SLIT3: variants seen among roughly 807,000 people sequenced by gnomAD.
SLIT3 encodes the protein slit guidance ligand 3.
A neutral mutation model predicts 184.0 loss-of-function variants in SLIT3; 68 were observed. That is an observed-to-expected ratio of 0.37 (90% CI 0.30 to 0.45). The LOEUF (loss-of-function observed/expected upper bound fraction) is 0.45, where lower values mean the gene tolerates loss of function less well. SLIT3 is among the 20% of genes least tolerant of loss of function. The pLI is 1.00. For missense variants in SLIT3, 1,707 were observed against 2,026.0 expected (o/e 0.84, Z 3.02); for synonymous variants, 831 against 828.6 (o/e 1.00, Z -0.05).
intron 20 of SLIT3, among the ~76,000 whole-genome samples, chr5:168,744,081 A>G (rs1325404588): frequency 2.0e-5 from 3 of 152,196 alleles, no homozygotes; most frequent in African/African-American, 7.2e-5. Flanking sequence ...TAAGGTCAGG[A>G]GATCGAGACC....
intron 3 of SLIT3, among the ~76,000 whole-genome samples, chr5:169,220,783 T>C (rs76059142): frequency 0.062 from 9,382 of 152,308 alleles, 391 homozygotes; most frequent in Middle Eastern, 0.1. Context: ...TCATCTCACA[T>C]GCCTGCTCCA....
intron 4 of SLIT3, among the ~76,000 whole-genome samples, chr5:168,972,944 G>C (rs1294567562): frequency 3.3e-5 from 5 of 152,144 alleles, no homozygotes; most frequent in African/African-American, 1.2e-4. Context: ...TTCCTCTTTA[G>C]GTGTAAGTTC....
chr5:169,216,459 A>G (rs1027131599), intron 3 of SLIT3, among the ~76,000 whole-genome samples: 3 of 152,238 alleles, frequency 2.0e-5, no homozygotes, highest in Non-Finnish European at 2.9e-5. Flanking sequence ...CTAGAACTTG[A>G]AAAGTGTGAG....
rs186021810 is a variant in SLIT3, at chr5:168,748,233, G to C, written c.2270+69C>G. On this transcript the variant is annotated intron_variant, in intron 20 of 35. Transcript: ENST00000519560. Reference sequence around the variant, plus strand: ...CCATGTTGCCTTGCTTGAGATTCTGGGGTAAAGTATGGAGGATGCTGCTGG... The same window carrying C: ...CCATGTTGCCTTGCTTGAGATTCTGCGGTAAAGTATGGAGGATGCTGCTGG... The C allele has an allele frequency of 8.5e-6, 12 of 1,407,168 alleles. No homozygotes were observed. The East Asian group carries it at 2.8e-4, about 33-fold the overall frequency. 87.2% of individuals were successfully genotyped at this position (1,407,168 alleles called of 1,614,324 possible).
chr5:168,920,794 GTC>G (rs1364013850), intron 4 of SLIT3, among the ~76,000 whole-genome samples: 1 of 148,470 alleles, frequency 6.7e-6, no homozygotes, highest in Non-Finnish European at 1.5e-5. Context: ...TAAACTCCAA[GTC>G]TCTCTCTCCC....
At chr5:168,731,715 T>C (rs1271373759) in intron 20 of SLIT3, among the ~76,000 whole-genome samples, 1 of 152,118 alleles carries the variant, frequency 6.6e-6, no homozygotes, top group African/African-American at 2.4e-5. Context: ...TATGATCATC[T>C]TAACAGATGC....
chr5:169,074,307 T>C (rs763502898), intron 4 of SLIT3, among the ~76,000 whole-genome samples: 37 of 152,162 alleles, frequency 2.4e-4, no homozygotes, highest in Non-Finnish European at 4.3e-4. Flanking sequence ...TCACCCAATA[T>C]CATTTTTAAC....
chr5:168,891,208 C>T (rs1760443495), intron 4 of SLIT3, among the ~76,000 whole-genome samples: 1 of 152,140 alleles, frequency 6.6e-6, no homozygotes, highest in East Asian at 1.9e-4. Context: ...GATGCAAAGG[C>T]CTCCTGTGTC....
intron 7 of SLIT3, among the ~76,000 whole-genome samples, chr5:168,817,670 G>A (rs11951140): frequency 0.63 from 95,230 of 152,112 alleles, 31,470 homozygotes; most frequent in African/African-American, 0.85. Flanking sequence ...GGATGCCTCC[G>A]GGGTTCTGAG....
chr5:168,925,758 A>C (rs1761800128), intron 4 of SLIT3, among the ~76,000 whole-genome samples: 1 of 152,000 alleles, frequency 6.6e-6, no homozygotes, highest in African/African-American at 2.4e-5. Context: ...AGGTTTGCCA[A>C]CTCTAAGCTC....
intron 27 of SLIT3, among the ~76,000 whole-genome samples, chr5:168,697,451 C>T (rs1762096471): frequency 6.6e-6 from 1 of 152,146 alleles, no homozygotes; most frequent in Admixed American, 6.5e-5. Flanking sequence ...AGTGAGCATC[C>T]ATCTGATTAA....
At chr5:169,118,125 C>T (rs1760756255) in intron 4 of SLIT3, among the ~76,000 whole-genome samples, 1 of 152,174 alleles carries the variant, frequency 6.6e-6, no homozygotes, top group Admixed American at 6.5e-5. Context: ...CTGCACTGAG[C>T]TATGATCACA....
intron 5 of SLIT3, among the ~76,000 whole-genome samples, chr5:168,882,129 A>C (rs978555781): frequency 6.6e-6 from 1 of 152,158 alleles, no homozygotes; most frequent in Non-Finnish European, 1.5e-5. Context: ...TGTGCCAGTA[A>C]ACTAAAACCC....
At chr5:169,155,566 A>G (rs769907534) in intron 4 of SLIT3, among the ~76,000 whole-genome samples, 2 of 152,216 alleles carry the variant, frequency 1.3e-5, no homozygotes, top group Non-Finnish European at 2.9e-5. Flanking sequence ...GAAGGTAGAG[A>G]GAAAATATGA....
chr5:169,134,131 C>T (rs1048198102), intron 4 of SLIT3, among the ~76,000 whole-genome samples: 1 of 152,198 alleles, frequency 6.6e-6, no homozygotes, highest in Non-Finnish European at 1.5e-5. Flanking sequence ...CAACTGATTC[C>T]CCTATTCCAC....
At chr5:169,075,160 TCTC>T (rs1484297180) in intron 4 of SLIT3, among the ~76,000 whole-genome samples, 2 of 152,050 alleles carry the variant, frequency 1.3e-5, no homozygotes, top group Non-Finnish European at 2.9e-5. Context: ...TTGATTGTCT[TCTC>T]CTTGTTCTAA....
intron 4 of SLIT3, among the ~76,000 whole-genome samples, chr5:169,048,773 G>T (rs1030784310): frequency 6.6e-5 from 10 of 152,300 alleles, no homozygotes; most frequent in African/African-American, 2.4e-4. Flanking sequence ...CATCTCTGGA[G>T]GTGGTATAGG....
chr5:169,009,958 A>T (rs1470553170), intron 4 of SLIT3, among the ~76,000 whole-genome samples: 1 of 152,062 alleles, frequency 6.6e-6, no homozygotes, highest in Non-Finnish European at 1.5e-5. Context: ...TGCCTCAGGG[A>T]TGATAACTTG....
intron 4 of SLIT3, among the ~76,000 whole-genome samples, chr5:168,899,426 A>C (rs1162575737): frequency 1.3e-5 from 2 of 152,156 alleles, no homozygotes; most frequent in Non-Finnish European, 2.9e-5. Context: ...AAGCAAGAGG[A>C]TCACTCAAAC....
Sources: gnomAD v4.1 joint callset for allele counts (sites outside exome capture counted in the v4.1 genomes callset) on GRCh38, gnomAD v4.1.1 for gene constraint, MANE v1.5 for transcripts, NCBI Gene and HGNC (gene_info 2026-07-23, HGNC 2026-07-21) for gene names.